Variants in SIL1 observed in about 807,000 individuals in gnomAD.
SIL1 encodes the protein nucleotide exchange factor SIL1.
Under a neutral mutation model 49.1 loss-of-function variants are expected in SIL1, and 40 were observed. The observed-to-expected ratio is 0.81, with a 90% CI of 0.63 to 1.06. The LOEUF (loss-of-function observed/expected upper bound fraction) is 1.06. SIL1 is among the 50% of genes least tolerant of loss of function. The pLI, the probability that SIL1 is intolerant of heterozygous loss-of-function variation, is 0.00. For synonymous variants in SIL1, 253 were observed against 250.8 expected (o/e 1.01, Z -0.08); for missense variants, 500 against 572.6 (o/e 0.87, Z 1.29).
At chr5:139,053,846 C>G (rs184822215) in intron 3 of SIL1, among the ~76,000 whole-genome samples, 14 of 152,378 alleles carry the variant, frequency 9.2e-5, no homozygotes, top group African/African-American at 3.1e-4. Context: ...AAAGATTTCA[C>G]AGCACCATGA....
rs536771853 is a variant in SIL1 at position 139,062,807 on chromosome 5, C to A, written c.245-11761G>T. ...TTTCCATAAGTGGCTAGTCCACAAG[C>A]ATCTCCTGAGGACTGGGCAAGAGTC... On this transcript the variant is annotated intron_variant, in intron 3 of 9. Coordinates refer to ENST00000394817, the MANE Select transcript of SIL1 (RefSeq NM_022464.5). 3.2e-4 allele frequency among the ~76,000 whole-genome samples: 49 copies of A among 152,364 alleles called. 2 individuals carry two copies. The South Asian group carries it at 9.7e-3, about 30-fold the overall frequency.
At chr5:138,990,930 C>T (rs544416012) in intron 7 of SIL1, among the ~76,000 whole-genome samples, 17 of 152,278 alleles carry the variant, frequency 1.1e-4, no homozygotes, top group African/African-American at 3.8e-4. Context: ...TGGCCAGGCT[C>T]GTCTCAAACT....
intron 1 of SIL1, among the ~76,000 whole-genome samples, chr5:139,176,182 G>A (rs537538378): frequency 2.0e-5 from 3 of 152,092 alleles, no homozygotes; most frequent in Non-Finnish European, 4.4e-5. Flanking sequence ...TCATAAGAAG[G>A]TGGCCTTTCC....
At chr5:139,079,895 A>G (rs1770035511) in intron 3 of SIL1, among the ~76,000 whole-genome samples, 3 of 152,236 alleles carry the variant, frequency 2.0e-5, no homozygotes, top group African/African-American at 7.2e-5. Context: ...TTCCCCACAC[A>G]AAGTCCAACT....
intron 7 of SIL1, among the ~76,000 whole-genome samples, chr5:139,020,036 G>A (rs747272356): frequency 2.0e-5 from 3 of 152,174 alleles, no homozygotes; most frequent in Non-Finnish European, 4.4e-5. Flanking sequence ...TGCACAGGAG[G>A]AGATTTCCCT....
At chr5:139,057,634 C>T (rs559284492) in intron 3 of SIL1, among the ~76,000 whole-genome samples, 1 of 152,194 alleles carries the variant, frequency 6.6e-6, no homozygotes, top group East Asian at 1.9e-4. Flanking sequence ...GAAGAAACAC[C>T]CCCTATAGGA....
intron 5 of SIL1, among the ~76,000 whole-genome samples, chr5:139,036,392 T>C (rs1442045007): frequency 1.3e-5 from 2 of 152,224 alleles, no homozygotes; most frequent in African/African-American, 4.8e-5. Flanking sequence ...GCAACATTTA[T>C]TGAATAGGGA....
At chr5:139,112,221 T>C (rs1233089293) in intron 3 of SIL1, among the ~76,000 whole-genome samples, 1 of 152,242 alleles carries the variant, frequency 6.6e-6, no homozygotes, top group Non-Finnish European at 1.5e-5. Flanking sequence ...GCAGCCTGCC[T>C]TGGCCTCCCA....
chr5:139,061,141 C>A (rs190817682), intron 3 of SIL1, among the ~76,000 whole-genome samples: 5 of 152,212 alleles, frequency 3.3e-5, no homozygotes, highest in African/African-American at 1.2e-4. Context: ...CAAATTATAC[C>A]TGGCTCTGTC....
intron 3 of SIL1, among the ~76,000 whole-genome samples, chr5:139,077,480 C>T (rs1214001648): frequency 6.6e-6 from 1 of 152,222 alleles, no homozygotes. Context: ...CTCCATCTCC[C>T]TAAACTGTTG....
intron 7 of SIL1, among the ~76,000 whole-genome samples, chr5:139,007,411 G>C (rs1768145482): frequency 7.6e-6 from 1 of 131,932 alleles, no homozygotes. Context: ...TGCAAACAGG[G>C]ACAATTTGAC....
At chr5:139,180,848 C>T (rs1751970221) in intron 1 of SIL1, among the ~76,000 whole-genome samples, 1 of 152,114 alleles carries the variant, frequency 6.6e-6, no homozygotes, top group Non-Finnish European at 1.5e-5. Context: ...AAAGACAGTA[C>T]CTGCAGGGTA....
chr5:138,999,416 G>A (rs1385252576), intron 7 of SIL1, among the ~76,000 whole-genome samples: 1 of 152,090 alleles, frequency 6.6e-6, no homozygotes, highest in African/African-American at 2.4e-5. Flanking sequence ...GCTTTGGGAG[G>A]CCAAGGTAAA....
At chr5:139,130,539 A>G (rs1307379906) in intron 1 of SIL1, among the ~76,000 whole-genome samples, 1 of 151,938 alleles carries the variant, frequency 6.6e-6, no homozygotes, top group Non-Finnish European at 1.5e-5. Context: ...TGTAGATATA[A>G]AACAGTGCAG....
chr5:139,080,092 C>T (rs905580864), intron 3 of SIL1, among the ~76,000 whole-genome samples: 10 of 152,124 alleles, frequency 6.6e-5, no homozygotes, highest in African/African-American at 2.4e-4. Context: ...TATTATTGTA[C>T]TTGGCAATAG....
At chr5:139,019,352 T>C (rs910074442) in intron 7 of SIL1, among the ~76,000 whole-genome samples, 18 of 152,180 alleles carry the variant, frequency 1.2e-4, no homozygotes, top group East Asian at 1.9e-4. Context: ...GCAGAAAACA[T>C]TGACATTTCC....
chr5:139,153,935 G>A (rs1421516480), intron 1 of SIL1, among the ~76,000 whole-genome samples: 4 of 152,080 alleles, frequency 2.6e-5, no homozygotes, highest in South Asian at 2.1e-4. Context: ...CTCTTTCCCC[G>A]AGTGTCCAGC....
chr5:139,051,247 T>C, intron 3 of SIL1: 1 of 609,052 alleles, frequency 1.6e-6, no homozygotes. Flanking sequence ...TAAGGAAATC[T>C]GTAAGGGAAT....
chr5:139,179,355 C>A (rs1283983107), intron 1 of SIL1, among the ~76,000 whole-genome samples: 1 of 152,186 alleles, frequency 6.6e-6, no homozygotes, highest in Non-Finnish European at 1.5e-5. Context: ...AGATTTTAAA[C>A]CCTCTTTTAC....
Sources: allele counts gnomAD v4.1 joint callset (sites outside exome capture counted in the v4.1 genomes callset), GRCh38; gene constraint gnomAD v4.1.1; transcripts MANE v1.5; gene names NCBI Gene and HGNC (gene_info 2026-07-23, HGNC 2026-07-21).